The following FHIP1A variants were observed in gnomAD, a reference collection of about 807,000 sequenced individuals.
FHIP1A encodes the protein FHF complex subunit HOOK interacting protein 1A.
FHIP1A carries 61 observed loss-of-function variants against 88.6 expected under a neutral mutation model. That is an observed-to-expected ratio of 0.69 (90% confidence interval 0.56 to 0.85). The LOEUF is 0.85. Ranked by LOEUF, FHIP1A falls within the 40% of genes least tolerant of loss-of-function variation. The pLI is 0.00. For synonymous variants in FHIP1A, 478 were observed against 496.0 expected (o/e 0.96, Z 0.48); for missense variants, 1,154 against 1,273.5 (o/e 0.91, Z 1.43).
At chr4:151,584,898 C>T (rs1734152382) in intron 5 of FHIP1A, among the ~76,000 whole-genome samples, 1 of 152,162 alleles carries the variant, frequency 6.6e-6, no homozygotes. Context: ...TCTTCACCAG[C>T]TTAGATATCA....
rs1288237461 is a variant in FHIP1A at position 151,670,174 on chromosome 4, A to C, written c.*7420A>C. The C allele has an allele frequency of 6.6e-6, 1 of 152,318 alleles. No individual in the cohort carries two copies. Among genetic ancestry groups the C allele is most frequent in the Middle Eastern group, 3.4e-3 (1 of 294 alleles). The allele number at this position is 152,318 out of a possible 1,614,324, so 9.4% of individuals were successfully genotyped here. On this transcript the variant is annotated 3_prime_UTR_variant, in exon 14 of 14. Transcript: ENST00000435205. The stretch of plus-strand genomic sequence containing the variant: ...TCAGAGGTAACAAAGGCATATATAT[A>C]CCGAACAAAGGTGCTCCGGTGCAGT...
chr4:151,441,785 A>G (rs1728422164), intron 1 of FHIP1A, among the ~76,000 whole-genome samples: 1 of 152,222 alleles, frequency 6.6e-6, no homozygotes, highest in Non-Finnish European at 1.5e-5. Context: ...AGATTAATCT[A>G]GACAATGGCC....
intron 3 of FHIP1A, among the ~76,000 whole-genome samples, chr4:151,552,719 A>C (rs572177474): frequency 1.3e-5 from 2 of 152,188 alleles, no homozygotes; most frequent in African/African-American, 4.8e-5. Flanking sequence ...AGAAATACCT[A>C]ATGTAAATGA....
chr4:151,432,187 T>A (rs960949654), intron 1 of FHIP1A, among the ~76,000 whole-genome samples: 1 of 152,218 alleles, frequency 6.6e-6, no homozygotes, highest in Non-Finnish European at 1.5e-5. Flanking sequence ...GTGTAAAGCA[T>A]TATGTTAGGT....
chr4:151,447,406 T>C (rs548779049), intron 1 of FHIP1A, among the ~76,000 whole-genome samples: 2 of 152,292 alleles, frequency 1.3e-5, no homozygotes, highest in South Asian at 2.1e-4. Flanking sequence ...TTTCAAGGAA[T>C]GCATTTTCAT....
At chr4:151,457,158 T>C (rs927715214) in intron 2 of FHIP1A, among the ~76,000 whole-genome samples, 12 of 152,200 alleles carry the variant, frequency 7.9e-5, no homozygotes, top group African/African-American at 2.9e-4. Flanking sequence ...ACAGTTTTTT[T>C]CCCCATAAAT....
intron 3 of FHIP1A, among the ~76,000 whole-genome samples, chr4:151,532,656 C>A (rs565836357): frequency 6.6e-6 from 1 of 152,038 alleles, no homozygotes; most frequent in Non-Finnish European, 1.5e-5. Flanking sequence ...AGGGAGAGGA[C>A]AGACATTTCC....
chr4:151,620,757 CTTT>C (rs60624354), intron 7 of FHIP1A, among the ~76,000 whole-genome samples: 3 of 144,250 alleles, frequency 2.1e-5, no homozygotes, highest in Non-Finnish European at 1.5e-5. Flanking sequence ...AATTAGATAT[CTTT>C]TTTTTTTTTT....
rs146357648 is a variant in FHIP1A, at chr4:151,426,301, T to G, written c.-356+16836T>G. ...AAGATTCTTTAGTAATCATTTCCTC[T>G]CAGAACCTAGAAAATACCATATTAA... On this transcript the variant is annotated intron_variant, in intron 1 of 13. Transcript: ENST00000435205. Among the ~76,000 whole-genome samples, 21 of 152,292 alleles carry G rather than the reference T, an allele frequency of 1.4e-4. No individual in the cohort carries two copies. The East Asian group carries it at 3.3e-3, about 24-fold the overall frequency.
At chr4:151,424,769 A>C (rs1317568668) in intron 1 of FHIP1A, among the ~76,000 whole-genome samples, 2 of 151,964 alleles carry the variant, frequency 1.3e-5, no homozygotes. Context: ...ACTATCTTAA[A>C]AACTAGATGC....
intron 7 of FHIP1A, among the ~76,000 whole-genome samples, chr4:151,623,785 T>G: frequency 6.6e-6 from 1 of 152,204 alleles, no homozygotes; most frequent in Non-Finnish European, 1.5e-5. Flanking sequence ...CTCCAAAGCC[T>G]CTCCTTTTTC....
At chr4:151,485,525 A>G (rs1257513740) in intron 3 of FHIP1A, among the ~76,000 whole-genome samples, 1 of 151,400 alleles carries the variant, frequency 6.6e-6, no homozygotes, top group Non-Finnish European at 1.5e-5. Flanking sequence ...TGCAAACTTC[A>G]CCTGGGAACT....
intron 1 of FHIP1A, among the ~76,000 whole-genome samples, chr4:151,416,829 G>A (rs1317617091): frequency 6.6e-6 from 1 of 151,950 alleles, no homozygotes; most frequent in Non-Finnish European, 1.5e-5. Flanking sequence ...TGTCATCCAG[G>A]CTGGAGTGCA....
intron 8 of FHIP1A, among the ~76,000 whole-genome samples, chr4:151,634,156 A>C (rs1736259881): frequency 6.6e-6 from 1 of 151,856 alleles, no homozygotes; most frequent in Admixed American, 6.6e-5. Context: ...AAATTTTAAA[A>C]AGTTCTTTAT....
intron 8 of FHIP1A, among the ~76,000 whole-genome samples, chr4:151,638,099 G>T (rs775824456): frequency 3.9e-5 from 6 of 152,180 alleles, no homozygotes; most frequent in Non-Finnish European, 7.4e-5. Context: ...GTGTTTTAAA[G>T]AACTTTTTAG....
intron 3 of FHIP1A, among the ~76,000 whole-genome samples, chr4:151,494,708 A>G (rs1167385804): frequency 6.6e-6 from 1 of 152,214 alleles, no homozygotes; most frequent in East Asian, 1.9e-4. Flanking sequence ...TTTATGAAGA[A>G]TGTCATTGGT....
At chr4:151,575,898 T>C (rs1032763358) in intron 4 of FHIP1A, among the ~76,000 whole-genome samples, 2 of 152,108 alleles carry the variant, frequency 1.3e-5, no homozygotes, top group African/African-American at 4.8e-5. Context: ...GCACAGAACA[T>C]GTAACAGCAC....
chr4:151,513,060 A>G (rs1380802767), intron 3 of FHIP1A, among the ~76,000 whole-genome samples: 143 of 152,304 alleles, frequency 9.4e-4, no homozygotes, highest in East Asian at 2.1e-3. Context: ...GAGAAAGGTC[A>G]GGTTACCCTC....
rs1009495070 is a variant in FHIP1A, at chr4:151,664,821, C to T, written c.*2067C>T. Among the ~76,000 whole-genome samples, 1 of 152,194 alleles carries T rather than the reference C, an allele frequency of 6.6e-6. No individual in the cohort carries two copies. The highest frequency in any genetic ancestry group is 2.4e-5 in the African/African-American group (1 of 41,444). ...CTTTAGCTTTGTAGTTTGATTTACA[C>T]CTTTCTCCATTATCTGGTGGTGGTG... On this transcript the variant is annotated 3_prime_UTR_variant, in exon 14 of 14. Transcript: ENST00000435205.
Sources: allele counts gnomAD v4.1 joint callset (sites outside exome capture counted in the v4.1 genomes callset), GRCh38; gene constraint gnomAD v4.1.1; transcripts MANE v1.5; gene names NCBI Gene and HGNC (gene_info 2026-07-23, HGNC 2026-07-21).